The following MGAT4A variants were observed in gnomAD, a reference collection of about 807,000 sequenced individuals.
MGAT4A encodes N-acetylglucosaminyltransferase IVa.
In MGAT4A, 33 loss-of-function variants were observed where a neutral mutation model predicts 74.1. The observed-to-expected ratio is 0.45, with a 90% confidence interval of 0.34 to 0.60. The LOEUF is 0.60. MGAT4A is among the 20% of genes least tolerant of loss of function. MGAT4A has a pLI of 0.02. For synonymous variants in MGAT4A, 198 were observed against 210.4 expected (o/e 0.94, Z 0.51); for missense variants, 479 against 628.3 (o/e 0.76, Z 2.54).
At chr2:98,717,209 A>G (rs928181983) in intron 2 of MGAT4A, among the ~76,000 whole-genome samples, 7 of 152,052 alleles carry the variant, frequency 4.6e-5, no homozygotes, top group Non-Finnish European at 7.4e-5. Context: ...GTGAAACCCC[A>G]TCTCTACTAA....
Position 98,645,476 on chromosome 2 carries a change from A to C in MGAT4A, c.841T>G (p.Ser281Ala). 1 of 1,594,230 alleles carries C rather than the reference A, an allele frequency of 6.3e-7. No individual in the cohort carries two copies. The highest frequency in any genetic ancestry group is 8.5e-7 in the Non-Finnish European group (1 of 1,175,706). The change falls in exon 9 of 16, where the codon TCT becomes GCT. Residue 281 changes from serine to alanine, a missense_variant. By Grantham distance (99) the Ser-to-Ala change is moderately conservative. Transcript: ENST00000393487. ...TCTAGAATCATCCATTCCTCAGAAG[A>C]AAGTTGAAGTGCAAAATTTTTTATG... ...NTIKNFALQLSSEEWMILEFS... is the reference protein window; with the variant it reads ...NTIKNFALQLASEEWMILEFS...
At chr2:98,685,307 T>C (rs889154363) in intron 2 of MGAT4A, among the ~76,000 whole-genome samples, 1 of 152,002 alleles carries the variant, frequency 6.6e-6, no homozygotes, top group Non-Finnish European at 1.5e-5. Flanking sequence ...TACAATTCTT[T>C]CCACAGATAA....
chr2:98,625,577 C>T lies in MGAT4A; in HGVS notation c.1597G>A (p.Ala533Thr). The change falls in exon 16 of 16, where the codon GCC becomes ACC. Residue 533 changes from alanine to threonine, a missense_variant. Ala to Thr is a moderately conservative substitution (Grantham distance 58). Around this residue, in one of 3 missense-constraint regions of MGAT4A, gnomAD observed 236 missense variants for 308.2 expected, o/e 0.77. Coordinates refer to ENST00000393487, the MANE Select transcript of MGAT4A (RefSeq NM_012214.3). ...GGTTTCTCAGATGATCAGTTGGTGGCTTTTTTAATATGAATCTGAAATACA... is the reference window on the plus strand; with the variant it reads ...GGTTTCTCAGATGATCAGTTGGTGGTTTTTTTAATATGAATCTGAAATACA... ...AILNEIHIKKATN is the reference protein window; with the variant it reads ...AILNEIHIKKTTN 1.2e-6 allele frequency: 2 copies of T among 1,608,470 alleles called. No individual in the cohort carries two copies. The highest frequency in any genetic ancestry group is 1.7e-6 in the Non-Finnish European group (2 of 1,178,048).
intron 2 of MGAT4A, among the ~76,000 whole-genome samples, chr2:98,691,282 C>T (rs961732107): frequency 6.6e-6 from 1 of 151,950 alleles, no homozygotes; most frequent in Non-Finnish European, 1.5e-5. Context: ...AGTGAAACCC[C>T]ATCTCTACAA....
chr2:98,698,881 C>T (rs1456400236), intron 2 of MGAT4A, among the ~76,000 whole-genome samples: 1 of 152,212 alleles, frequency 6.6e-6, no homozygotes, highest in Non-Finnish European at 1.5e-5. Context: ...CTCTCTTTAG[C>T]TCCTTTTTAT....
intron 14 of MGAT4A, among the ~76,000 whole-genome samples, chr2:98,634,285 G>A (rs185765719): frequency 3.3e-4 from 50 of 152,280 alleles, no homozygotes; most frequent in African/African-American, 1.1e-3. Context: ...GCAGGGAAGC[G>A]AGGCCATTAA....
chr2:98,667,777 T>C (rs1701857343), intron 4 of MGAT4A, among the ~76,000 whole-genome samples: 1 of 152,008 alleles, frequency 6.6e-6, no homozygotes, highest in African/African-American at 2.4e-5. Flanking sequence ...TGGAGTGCAA[T>C]GGCATGATTT....
chr2:98,718,098 CAGTA>C (rs1702616240), intron 2 of MGAT4A, among the ~76,000 whole-genome samples: 2 of 152,222 alleles, frequency 1.3e-5, no homozygotes, highest in Non-Finnish European at 2.9e-5. Flanking sequence ...TCTTTTCTTG[CAGTA>C]AGTGTTTTCT....
chr2:98,712,948 G>C (rs1047858758), intron 2 of MGAT4A, among the ~76,000 whole-genome samples: 1 of 152,108 alleles, frequency 6.6e-6, no homozygotes, highest in African/African-American at 2.4e-5. Flanking sequence ...GATTGCTTGA[G>C]CTCAGGAGTT....
intron 2 of MGAT4A, among the ~76,000 whole-genome samples, chr2:98,688,917 T>C (rs1325769264): frequency 6.6e-6 from 1 of 152,226 alleles, no homozygotes; most frequent in Admixed American, 6.5e-5. Context: ...AATACAGATA[T>C]AGGATCTCAG....
chr2:98,619,712 CAAAT>C lies in MGAT4A; in HGVS notation c.*5850_*5853del, dbSNP rs770207363. On this transcript the variant is annotated 3_prime_UTR_variant, in exon 16 of 16. Coordinates refer to ENST00000393487, the MANE Select transcript of MGAT4A (RefSeq NM_012214.3). ...AAATTTGAGCAAACACTGAGCATTT[CAAAT>C]AAATAATGGAATGCTAATCAGGCAA... 2.0e-5 allele frequency: 3 copies of C among 152,162 alleles called. No individual in the cohort carries two copies. The highest frequency in any genetic ancestry group is 2.1e-4 in the South Asian group (1 of 4,828). 9.4% of individuals were successfully genotyped at this position (152,162 alleles called of 1,614,324 possible).
chr2:98,716,940 C>T (rs894186984), intron 2 of MGAT4A, among the ~76,000 whole-genome samples: 3 of 152,264 alleles, frequency 2.0e-5, no homozygotes, highest in Middle Eastern at 3.4e-3. Flanking sequence ...AGTACAGACA[C>T]AAACACTGTG....
intron 8 of MGAT4A, among the ~76,000 whole-genome samples, chr2:98,647,565 C>T (rs913818704): frequency 2.0e-5 from 3 of 152,298 alleles, no homozygotes; most frequent in East Asian, 3.9e-4. Flanking sequence ...GTGATCCACC[C>T]GCCTCGGCCT....
chr2:98,671,824 GA>G (rs1344272954), intron 4 of MGAT4A, among the ~76,000 whole-genome samples: 3 of 151,704 alleles, frequency 2.0e-5, no homozygotes, highest in African/African-American at 7.3e-5. Flanking sequence ...AGGAAGGAGG[GA>G]GGGTCAGAGT....
intron 5 of MGAT4A, among the ~76,000 whole-genome samples, chr2:98,661,751 T>G (rs1283791110): frequency 6.6e-6 from 1 of 152,206 alleles, no homozygotes; most frequent in African/African-American, 2.4e-5. Flanking sequence ...ATGTTCATAA[T>G]TTACCCATCT....
chr2:98,715,333 A>AG (rs1345565762), intron 2 of MGAT4A, among the ~76,000 whole-genome samples: 1 of 151,536 alleles, frequency 6.6e-6, no homozygotes, highest in Non-Finnish European at 1.5e-5. Context: ...AAAAAAAAAA[A>AG]AAAAAAGAAA....
intron 14 of MGAT4A, 68 bp from the exon 15 acceptor site, chr2:98,625,903 AG>A (rs1165768409): frequency 4.3e-6 from 5 of 1,172,260 alleles, no homozygotes; most frequent in Non-Finnish European, 6.2e-6. Flanking sequence ...CACTGAGTTA[AG>A]GCAGGAAAGG....
At chr2:98,655,654 ACACT>A in intron 7 of MGAT4A, 134 bp from the exon 8 acceptor site, 1 of 566,070 alleles carries the variant, frequency 1.8e-6, no homozygotes, top group Non-Finnish European at 3.1e-6. Context: ...ACATACACAC[ACACT>A]CACTTAGGAC....
intron 2 of MGAT4A, among the ~76,000 whole-genome samples, chr2:98,709,601 C>T (rs568293731): frequency 6.6e-6 from 1 of 152,194 alleles, no homozygotes; most frequent in Non-Finnish European, 1.5e-5. Flanking sequence ...TGGTAGCCAA[C>T]CACTGGACAT....
Sources: allele counts gnomAD v4.1 joint callset (sites outside exome capture counted in the v4.1 genomes callset), GRCh38; gene constraint gnomAD v4.1.1; regional missense constraint gnomAD v4.1.1; transcripts MANE v1.5; gene names NCBI Gene and HGNC (gene_info 2026-07-23, HGNC 2026-07-21).